MDGA2: variants seen among roughly 807,000 people sequenced by gnomAD.
MDGA2 encodes MAM domain-containing glycosylphosphatidylinositol anchor protein 2.
MDGA2 carries 40 observed loss-of-function variants against 117.8 expected under a neutral mutation model. The ratio of observed to expected loss-of-function variants is 0.34; its 90% CI spans 0.26 to 0.44. MDGA2 has a LOEUF of 0.44. MDGA2 is among the 20% of genes least tolerant of loss of function. The pLI, the probability that MDGA2 is intolerant of heterozygous loss-of-function variation, is 1.00. For missense variants in MDGA2, 1,123 were observed against 1,250.6 expected (o/e 0.90, Z 1.54); for synonymous variants, 452 against 439.0 (o/e 1.03, Z -0.37).
At chr14:47,495,382 A>G (rs931530929) in intron 1 of MDGA2, among the ~76,000 whole-genome samples, 6 of 152,078 alleles carry the variant, frequency 3.9e-5, no homozygotes, top group Non-Finnish European at 5.9e-5. Context: ...TCCATGTAAC[A>G]CAACTCCACT....
At chr14:47,397,915 T>C (rs1892049855) in intron 1 of MDGA2, among the ~76,000 whole-genome samples, 1 of 152,130 alleles carries the variant, frequency 6.6e-6, no homozygotes, top group South Asian at 2.1e-4. Flanking sequence ...ACCTCAAGAA[T>C]TAGAAACATC....
At chr14:47,324,189 G>A (rs1890072377) in intron 1 of MDGA2, among the ~76,000 whole-genome samples, 1 of 152,052 alleles carries the variant, frequency 6.6e-6, no homozygotes, top group Non-Finnish European at 1.5e-5. Context: ...AGCTTGCAGT[G>A]AGCTGAGATC....
At chr14:47,455,199 T>C (rs2138579101) in intron 1 of MDGA2, among the ~76,000 whole-genome samples, 1 of 152,294 alleles carries the variant, frequency 6.6e-6, no homozygotes, top group South Asian at 2.1e-4. Flanking sequence ...GGATATATAT[T>C]ATCTAGTTTT....
chr14:47,332,225 A>C (rs78648414), intron 1 of MDGA2, among the ~76,000 whole-genome samples: 1 of 152,002 alleles, frequency 6.6e-6, no homozygotes, highest in African/African-American at 2.4e-5. Flanking sequence ...GCTGAAAGAC[A>C]GTCATTTATG....
chr14:47,423,215 C>T (rs1277525207), intron 1 of MDGA2, among the ~76,000 whole-genome samples: 1 of 152,150 alleles, frequency 6.6e-6, no homozygotes, highest in Non-Finnish European at 1.5e-5. Context: ...AAATTCATTA[C>T]TCTTCTTATT....
chr14:47,273,306 G>T (rs905202256), intron 2 of MDGA2, among the ~76,000 whole-genome samples: 5 of 152,126 alleles, frequency 3.3e-5, no homozygotes, highest in African/African-American at 1.2e-4. Context: ...CAGGATGACA[G>T]TGGAATCTTT....
At chr14:47,115,076 A>G (rs1399775298) in intron 5 of MDGA2, among the ~76,000 whole-genome samples, 1 of 152,070 alleles carries the variant, frequency 6.6e-6, no homozygotes, top group East Asian at 1.9e-4. Context: ...AAAGTGATCA[A>G]CATTCTGCTG....
At chr14:47,227,501 T>C (rs1886547682) in intron 2 of MDGA2, among the ~76,000 whole-genome samples, 1 of 152,150 alleles carries the variant, frequency 6.6e-6, no homozygotes, top group Non-Finnish European at 1.5e-5. Flanking sequence ...AATAAATCAC[T>C]TGCACATGAA....
chr14:47,341,678 G>C (rs946632577), intron 1 of MDGA2, among the ~76,000 whole-genome samples: 1 of 152,128 alleles, frequency 6.6e-6, no homozygotes. Context: ...GAAGAAAAGT[G>C]TTATGTGTTT....
chr14:47,349,436 A>G (rs1890830921), intron 1 of MDGA2, among the ~76,000 whole-genome samples: 1 of 152,228 alleles, frequency 6.6e-6, no homozygotes, highest in African/African-American at 2.4e-5. Flanking sequence ...GTTAAGATAA[A>G]ATGTTTAATA....
At chr14:47,621,841 G>T (rs748206267) in intron 1 of MDGA2, among the ~76,000 whole-genome samples, 33 of 152,166 alleles carry the variant, frequency 2.2e-4, no homozygotes, top group Non-Finnish European at 4.4e-4. Context: ...AACATACGTT[G>T]TAAGCGAAAA....
At chr14:47,117,226 C>A (rs529106119) in intron 5 of MDGA2, among the ~76,000 whole-genome samples, 1 of 152,158 alleles carries the variant, frequency 6.6e-6, no homozygotes, top group Admixed American at 6.5e-5. Context: ...TCACACCTGT[C>A]AGGATGACTA....
intron 1 of MDGA2, among the ~76,000 whole-genome samples, chr14:47,343,710 A>T (rs781677550): frequency 1.4e-4 from 22 of 152,116 alleles, no homozygotes; most frequent in Non-Finnish European, 2.2e-4. Flanking sequence ...GTTAATTATA[A>T]TTTCATATTG....
intron 2 of MDGA2, among the ~76,000 whole-genome samples, chr14:47,255,880 C>T (rs374726676): frequency 3.1e-4 from 47 of 151,962 alleles, no homozygotes; most frequent in African/African-American, 1.1e-3. Context: ...TACTGGAAAC[C>T]AGTATTGGCA....
chr14:47,099,298 T>C (rs1015035117), intron 5 of MDGA2, among the ~76,000 whole-genome samples: 1 of 151,982 alleles, frequency 6.6e-6, no homozygotes, highest in African/African-American at 2.4e-5. Flanking sequence ...TTTTTAAAAC[T>C]ATAAGGCTTT....
chr14:47,630,977 AT>A (rs2138222706), intron 1 of MDGA2, among the ~76,000 whole-genome samples: 1 of 152,316 alleles, frequency 6.6e-6, no homozygotes, highest in African/African-American at 2.4e-5. Context: ...CAAAACAGAA[AT>A]GCTAAGAAAT....
In MDGA2 at chr14:46,843,618, T is replaced by C. The variant is rs1013831138; in HGVS notation, c.2990-1599A>G. ...CTTTTTAATATATTTTCATTTTATATAACAATGAGCAAAATGGCTCATTGT... is the reference window on the plus strand; with the variant it reads ...CTTTTTAATATATTTTCATTTTATACAACAATGAGCAAAATGGCTCATTGT... On this transcript the variant is annotated intron_variant, in intron 16 of 16. Transcript: ENST00000399232. Among the ~76,000 whole-genome samples the C allele has an allele frequency of 5.3e-5, 8 of 152,238 alleles. No homozygotes were observed. The East Asian group carries it at 1.5e-3, about 29-fold the overall frequency.
At chr14:47,539,671 T>G (rs1449117031) in intron 1 of MDGA2, among the ~76,000 whole-genome samples, 2 of 152,222 alleles carry the variant, frequency 1.3e-5, no homozygotes, top group Non-Finnish European at 2.9e-5. Flanking sequence ...TACTTGTATC[T>G]GAGAGAAGTG....
rs10644327 is a variant in MDGA2, at chr14:46,953,215, T to TAAA, written c.2089+4156_2089+4158dup. On this transcript the variant is annotated intron_variant, in intron 9 of 16. Coordinates refer to ENST00000399232, the MANE Select transcript of MDGA2 (RefSeq NM_001113498.3). ...TACTTGTTAAATACATTCCTGACTGTAAAAAAAATCAGTTGAGAGTACATA... is the reference window on the plus strand; with the variant it reads ...TACTTGTTAAATACATTCCTGACTGTAAAAAAAAAAATCAGTTGAGAGTACATA... Among the ~76,000 whole-genome samples, 15 of 151,330 alleles carry TAAA rather than the reference T, an allele frequency of 9.9e-5. No individual in the cohort carries two copies. The East Asian group carries it at 1.4e-3, about 14-fold the overall frequency.
Sources: gnomAD v4.1 joint callset for allele counts (sites outside exome capture counted in the v4.1 genomes callset) on GRCh38, gnomAD v4.1.1 for gene constraint, MANE v1.5 for transcripts, NCBI Gene and HGNC (gene_info 2026-07-23, HGNC 2026-07-21) for gene names.